The following SRBD1 variants were observed in gnomAD, a reference collection of about 807,000 sequenced individuals.
SRBD1 encodes S1 RNA binding domain 1.
SRBD1 carries 88 observed loss-of-function variants against 115.3 expected under a neutral mutation model. The observed-to-expected ratio is 0.76, with a 90% CI of 0.64 to 0.91. The LOEUF is 0.91. SRBD1 is among the 40% of genes least tolerant of loss of function. The pLI is 0.00. For missense variants in SRBD1, 1,385 were observed against 1,177.4 expected (o/e 1.18, Z -2.58); for synonymous variants, 509 against 407.7 (o/e 1.25, Z -2.99).
At chr2:45,558,004 A>AT (rs762582662) in intron 10 of SRBD1, among the ~76,000 whole-genome samples, 1 of 152,212 alleles carries the variant, frequency 6.6e-6, no homozygotes, top group Non-Finnish European at 1.5e-5. Flanking sequence ...TCCCAACTTC[A>AT]TATATATAAG....
intron 8 of SRBD1, 80 bp downstream of exon 8, chr2:45,574,547 A>G: frequency 7.7e-7 from 1 of 1,297,548 alleles, no homozygotes; most frequent in Non-Finnish European, 1.1e-6. Flanking sequence ...TTTTTAATGA[A>G]CATTGGTATT....
At chr2:45,519,647 T>C (rs1476518101) in intron 14 of SRBD1, among the ~76,000 whole-genome samples, 2 of 152,226 alleles carry the variant, frequency 1.3e-5, no homozygotes, top group Admixed American at 6.5e-5. Context: ...AAGAAAATTT[T>C]GTCCCTTCTT....
chr2:45,509,598 A>AACACACACACACACACACAC (rs1179307941), intron 14 of SRBD1, among the ~76,000 whole-genome samples: 1 of 125,442 alleles, frequency 8.0e-6, no homozygotes, highest in Non-Finnish European at 1.7e-5. Flanking sequence ...TCCGTCTCAA[A>AACACACACACACACACACAC]ACACACACAC....
chr2:45,443,053 T>C (rs147344303), intron 16 of SRBD1, among the ~76,000 whole-genome samples: 33 of 152,154 alleles, frequency 2.2e-4, no homozygotes, highest in African/African-American at 7.5e-4. Flanking sequence ...GGCTGGAGAG[T>C]AGACAAGCTC....
chr2:45,492,974 G>C (rs1028559318), intron 14 of SRBD1, among the ~76,000 whole-genome samples: 1 of 151,994 alleles, frequency 6.6e-6, no homozygotes, highest in African/African-American at 2.4e-5. Context: ...AAATCAACTG[G>C]GATATAATTA....
At chr2:45,398,841 C>T (rs902933374) in intron 19 of SRBD1, among the ~76,000 whole-genome samples, 11 of 152,092 alleles carry the variant, frequency 7.2e-5, no homozygotes, top group South Asian at 2.1e-4. Context: ...CAGAACCACT[C>T]GCTTTATACT....
rs962403703 is a variant in SRBD1 at position 45,413,183 on chromosome 2, T to C, written c.2444A>G (p.Asn815Ser). ...QGKKKSKTAV[N>S]VLLKPNPLDQ... ...CAAAGGATTTGGCTTCAGTAAAACA[T>C]TCACTGCAGTTTTGCTCTTCTTTTT... Residue 815 changes from asparagine to serine, a missense_variant, in exon 19 of 21, where the codon AAT becomes AGT. Transcript: ENST00000263736. 2.5e-6 allele frequency: 4 copies of C among 1,614,140 alleles called. No homozygotes were observed. Among genetic ancestry groups the C allele is most frequent in the East Asian group, 4.5e-5 (2 of 44,874 alleles).
At chr2:45,428,316 C>T (rs1021155373) in intron 16 of SRBD1, among the ~76,000 whole-genome samples, 32 of 152,106 alleles carry the variant, frequency 2.1e-4, no homozygotes, top group Admixed American at 8.5e-4. Flanking sequence ...TTTGGGAGGC[C>T]GAGGCGGGCG....
intron 5 of SRBD1, among the ~76,000 whole-genome samples, chr2:45,584,704 G>A (rs751486308): frequency 1.3e-4 from 20 of 152,220 alleles, no homozygotes; most frequent in East Asian, 7.7e-4. Flanking sequence ...AAACCCTATC[G>A]AATAATATGG....
chr2:45,527,870 C>T (rs1228803814), intron 14 of SRBD1, among the ~76,000 whole-genome samples: 1 of 151,816 alleles, frequency 6.6e-6, no homozygotes, highest in African/African-American at 2.4e-5. Flanking sequence ...TAAATTCCAA[C>T]TTACCTTGTT....
At position 45,545,283 on chromosome 2, in the gene SRBD1, T is replaced by TAAAAAAAAA. The variant is rs56909656; in HGVS notation, c.1874+1440_1874+1448dup. Among the ~76,000 whole-genome samples, 157 of 68,566 alleles carry TAAAAAAAAA rather than the reference T, an allele frequency of 2.3e-3. 4 individuals are homozygous for TAAAAAAAAA. Among genetic ancestry groups the TAAAAAAAAA allele is most frequent in the African/African-American group, 6.8e-3 (101 of 14,776 alleles). The allele number at this position is 68,566 out of a possible 152,430, so 45.0% of individuals were successfully genotyped here. A position where few individuals can be genotyped will look rare whatever the true frequency, so the allele number is the denominator to read the frequency against. On this transcript the variant is annotated intron_variant, in intron 14 of 20. Coordinates refer to ENST00000263736, the MANE Select transcript of SRBD1 (RefSeq NM_018079.5). ...TGACAGAGCGAGACTCTGTCTCAAT[T>TAAAAAAAAA]AAAAAAAAAAAAAAAAAAAAAAAAA...
intron 16 of SRBD1, among the ~76,000 whole-genome samples, chr2:45,452,710 T>C (rs956736241): frequency 7.9e-5 from 12 of 152,016 alleles, no homozygotes; most frequent in Admixed American, 5.9e-4. Flanking sequence ...GAATATCCAA[T>C]ATTTGGTTCT....
chr2:45,404,478 T>TA (rs1428937208), intron 19 of SRBD1, among the ~76,000 whole-genome samples: 2 of 152,148 alleles, frequency 1.3e-5, no homozygotes, highest in African/African-American at 4.8e-5. Context: ...ACAGTGTCTC[T>TA]AGTATTCATA....
In SRBD1 at chr2:45,404,135, G is replaced by T. The variant is rs1419330294; in HGVS notation, c.2513+8979C>A. Among the ~76,000 whole-genome samples, 4 of 152,072 alleles carry T rather than the reference G, an allele frequency of 2.6e-5. No individual in the cohort carries two copies. The East Asian group carries it at 7.7e-4, about 29-fold the overall frequency. Reference sequence around the variant, plus strand: ...GAGAAAGATCTCATTTCCAGCTAAGGATATCTCGTCAGATCAAAGATGATT... The same window carrying T: ...GAGAAAGATCTCATTTCCAGCTAAGTATATCTCGTCAGATCAAAGATGATT... On this transcript the variant is annotated intron_variant, in intron 19 of 20. Transcript: ENST00000263736.
intron 7 of SRBD1, among the ~76,000 whole-genome samples, 155 bp from the exon 8 acceptor site, chr2:45,574,878 C>T (rs1448918166): frequency 6.6e-6 from 1 of 152,124 alleles, no homozygotes; most frequent in African/African-American, 2.4e-5. Context: ...TACTAGCTTC[C>T]CTTTGTAACA....
At chr2:45,556,626 C>A (rs531451800) in intron 10 of SRBD1, among the ~76,000 whole-genome samples, 30 of 151,938 alleles carry the variant, frequency 2.0e-4, no homozygotes, top group African/African-American at 7.0e-4. Context: ...TCCCGCCCAG[C>A]TAATTTTTGT....
At chr2:45,527,866 C>T (rs958438248) in intron 14 of SRBD1, among the ~76,000 whole-genome samples, 18 of 151,744 alleles carry the variant, frequency 1.2e-4, no homozygotes, top group African/African-American at 4.1e-4. Context: ...GAACTAAATT[C>T]CAACTTACCT....
chr2:45,421,506 CAAACAAAAAAAAAAAAAAAAAAAAAAA>C lies in SRBD1; in HGVS notation c.2050-1639_2050-1613del, dbSNP rs1668004016. ...TGGGTGACGGTGTGAGACTCCGTCT[CAAACAAAAAAAAAAAAAAAAAAAAAAA>C]AAAAAAAAAAAAGTCAGAAAATGAG... On this transcript the variant is annotated intron_variant, in intron 16 of 20. Transcript: ENST00000263736. Among the ~76,000 whole-genome samples the C allele has an allele frequency of 2.3e-3, 109 of 48,094 alleles. 2 individuals are homozygous for C. Among genetic ancestry groups the C allele is most frequent in the African/African-American group, 7.5e-3 (93 of 12,450 alleles). 31.6% of individuals were successfully genotyped at this position (48,094 alleles called of 152,430 possible).
intron 19 of SRBD1, among the ~76,000 whole-genome samples, chr2:45,397,274 A>G (rs1667172942): frequency 1.3e-5 from 2 of 152,156 alleles, no homozygotes; most frequent in African/African-American, 4.8e-5. Flanking sequence ...GTAATTTGTT[A>G]CTCTAAAAAT....
Sources: gnomAD v4.1 joint callset for allele counts (sites outside exome capture counted in the v4.1 genomes callset) on GRCh38, gnomAD v4.1.1 for gene constraint, MANE v1.5 for transcripts, NCBI Gene and HGNC (gene_info 2026-07-23, HGNC 2026-07-21) for gene names.